The following SPAG6 variants were observed in gnomAD, a reference collection of about 807,000 sequenced individuals.
The protein encoded by SPAG6 is sperm-associated antigen 6.
Under a neutral mutation model 58.5 loss-of-function variants are expected in SPAG6, and 49 were observed. The ratio of observed to expected loss-of-function variants is 0.84; its 90% CI spans 0.67 to 1.06. SPAG6 has a LOEUF of 1.06. Among genes scored for constraint, SPAG6 ranks in the 50% least tolerant of loss-of-function variants. The pLI is 0.00. For missense variants in SPAG6, 560 were observed against 611.3 expected (o/e 0.92, Z 0.89); for synonymous variants, 233 against 225.6 (o/e 1.03, Z -0.29).
At chr10:22,381,179 C>T (rs1833946198) in intron 4 of SPAG6, among the ~76,000 whole-genome samples, 1 of 152,106 alleles carries the variant, frequency 6.6e-6, no homozygotes, top group Admixed American at 6.5e-5. Context: ...GAAAGAACAT[C>T]ACCTTTCCAT....
intron 2 of SPAG6, among the ~76,000 whole-genome samples, chr10:22,359,122 T>C (rs1025381443): frequency 3.3e-5 from 5 of 152,142 alleles, no homozygotes; most frequent in Non-Finnish European, 5.9e-5. Context: ...AAGCATGAAG[T>C]TTCTATTATA....
intron 2 of SPAG6, among the ~76,000 whole-genome samples, chr10:22,355,321 C>T (rs1049119225): frequency 6.6e-6 from 1 of 152,096 alleles, no homozygotes; most frequent in Non-Finnish European, 1.5e-5. Context: ...ATGGGAAATG[C>T]TATATAAGTG....
chr10:22,369,929 G>A (rs544292269), intron 4 of SPAG6, among the ~76,000 whole-genome samples: 2 of 152,204 alleles, frequency 1.3e-5, no homozygotes, highest in South Asian at 4.1e-4. Context: ...TTCATCCTAA[G>A]GAAAGAATTC....
At chr10:22,374,379 G>T (rs1419196069) in intron 4 of SPAG6, among the ~76,000 whole-genome samples, 1 of 152,020 alleles carries the variant, frequency 6.6e-6, no homozygotes, top group Non-Finnish European at 1.5e-5. Flanking sequence ...GAGCATGCAG[G>T]TCATCTAGAC....
At chr10:22,366,707 C>G (rs1175943711) in intron 3 of SPAG6, among the ~76,000 whole-genome samples, 1 of 152,110 alleles carries the variant, frequency 6.6e-6, no homozygotes, top group Non-Finnish European at 1.5e-5. Flanking sequence ...TGTGGATATT[C>G]CTTCTATCAT....
chr10:22,389,887 C>T (rs1210452185), intron 7 of SPAG6, among the ~76,000 whole-genome samples: 1 of 152,100 alleles, frequency 6.6e-6, no homozygotes, highest in African/African-American at 2.4e-5. Flanking sequence ...TGTAAGAACC[C>T]CTCATCTAGT....
chr10:22,389,143 T>G lies in SPAG6; in HGVS notation c.853-17T>G. 6.2e-7 allele frequency: 1 copy of G among 1,612,356 alleles called. No individual in the cohort carries two copies. The highest frequency in any genetic ancestry group is 1.7e-4 in the Middle Eastern group (1 of 6,004). The stretch of plus-strand genomic sequence containing the variant: ...TCATAGGGTCCTGGTGATCTAACTC[T>G]TGTTCCCATCGCTTAGCTTTCACAG... On this transcript the variant is annotated splice_polypyrimidine_tract_variant and intron_variant, in intron 6 of 10. Transcript: ENST00000376624.
intron 10 of SPAG6, among the ~76,000 whole-genome samples, chr10:22,413,708 T>TATATATATATATATA (rs1564384103): frequency 3.3e-5 from 5 of 150,876 alleles, no homozygotes; most frequent in African/African-American, 1.2e-4. Context: ...TATATATATA[T>TATATATATATATATA]TTCACCCACA....
chr10:22,412,432 T>A (rs1375816665), intron 10 of SPAG6: 1 of 1,476,210 alleles, frequency 6.8e-7, no homozygotes, highest in East Asian at 2.5e-5. Context: ...TCTATCCACA[T>A]ATTTTTACCC....
chr10:22,412,813 C>T (rs867873791), intron 10 of SPAG6: 10 of 173,334 alleles, frequency 5.8e-5, no homozygotes, highest in African/African-American at 1.4e-4. Flanking sequence ...CCTTGTGATC[C>T]GCCCACCTTG....
intron 9 of SPAG6, among the ~76,000 whole-genome samples, chr10:22,408,841 C>T (rs975696723): frequency 6.6e-6 from 1 of 151,830 alleles, no homozygotes; most frequent in African/African-American, 2.4e-5. Flanking sequence ...TCTCCTGGTG[C>T]TCCGTTTTTT....
At chr10:22,360,730 C>T in intron 2 of SPAG6, 1 of 1,173,098 alleles carries the variant, frequency 8.5e-7, no homozygotes, top group South Asian at 1.5e-5. Flanking sequence ...AAGTGAGCCC[C>T]AGTGATGTCG....
At chr10:22,354,391 A>G (rs1836810278) in intron 2 of SPAG6, among the ~76,000 whole-genome samples, 2 of 152,210 alleles carry the variant, frequency 1.3e-5, no homozygotes, top group African/African-American at 4.8e-5. Context: ...GAAAGGATGC[A>G]AAGAGCAGAG....
intron 8 of SPAG6, 137 bp from the exon 9 acceptor site, chr10:22,401,024 A>G (rs148287430): frequency 2.2e-4 from 129 of 591,546 alleles, no homozygotes; most frequent in African/African-American, 1.9e-3. Context: ...TTGGACAACA[A>G]TTTTAAAAAA....
At chr10:22,349,448 T>C (rs987790864) in intron 2 of SPAG6, among the ~76,000 whole-genome samples, 1 of 152,200 alleles carries the variant, frequency 6.6e-6, no homozygotes, top group Non-Finnish European at 1.5e-5. Context: ...CTTCTACCAA[T>C]TGTAAAATTT....
chr10:22,375,236 T>G (rs1564368352), intron 4 of SPAG6, among the ~76,000 whole-genome samples: 1 of 152,220 alleles, frequency 6.6e-6, no homozygotes, highest in Admixed American at 6.5e-5. Context: ...CCACTTTTAT[T>G]TACATTTGAA....
At chr10:22,372,963 T>G (rs1046929022) in intron 4 of SPAG6, among the ~76,000 whole-genome samples, 1 of 152,194 alleles carries the variant, frequency 6.6e-6, no homozygotes, top group Non-Finnish European at 1.5e-5. Context: ...TGGCAACTGC[T>G]CAACACTTCC....
intron 4 of SPAG6, among the ~76,000 whole-genome samples, chr10:22,385,620 A>G (rs531748023): frequency 1.3e-5 from 2 of 152,268 alleles, no homozygotes; most frequent in African/African-American, 4.8e-5. Flanking sequence ...CAATATTGGG[A>G]CTTCTAAGAT....
At chr10:22,361,281 A>G (rs974601718) in intron 2 of SPAG6, 8 of 155,280 alleles carry the variant, frequency 5.2e-5, no homozygotes, top group Non-Finnish European at 1.0e-4. Context: ...AACATCGCAT[A>G]TAAGCCTAAT....
Sources: gnomAD v4.1 joint callset for allele counts (sites outside exome capture counted in the v4.1 genomes callset) on GRCh38, gnomAD v4.1.1 for gene constraint, MANE v1.5 for transcripts, NCBI Gene and HGNC (gene_info 2026-07-23, HGNC 2026-07-21) for gene names.